The following NPHS1 variants were observed in gnomAD, a reference collection of about 807,000 sequenced individuals.
NPHS1 encodes the protein nephrin.
Under a neutral mutation model 139.7 loss-of-function variants are expected in NPHS1, and 107 were observed. The observed-to-expected ratio is 0.77, with a 90% confidence interval of 0.66 to 0.90. The LOEUF is 0.90. NPHS1 is among the 40% of genes least tolerant of loss of function. NPHS1 has a pLI of 0.00. For missense variants in NPHS1, 1,580 were observed against 1,654.2 expected (o/e 0.96, Z 0.78); for synonymous variants, 707 against 706.6 (o/e 1.00, Z -0.01).
chr19:35,838,018 G>C (rs976728158), intron 22 of NPHS1, among the ~76,000 whole-genome samples: 4 of 146,632 alleles, frequency 2.7e-5, no homozygotes, highest in African/African-American at 1.0e-4. Flanking sequence ...TTGGGAGACC[G>C]AAGCTGGTGG....
chr19:35,848,396 C>A lies in NPHS1; in HGVS notation c.1172G>T (p.Gly391Val). ...LLPMEETVMD[G>V]LHGGHISMSN... ...CATGGAGATGTGACCGCCATGCAGT[C>A]CCTGGCAGGGAGTGAGCTTCAGACG... The change falls in exon 10 of 29, where the codon GGA becomes GTA. Residue 391 changes from glycine to valine, a missense_variant and splice_region_variant. Gly to Val is a moderately radical substitution (Grantham distance 109). Coordinates refer to ENST00000378910, the MANE Select transcript of NPHS1 (RefSeq NM_004646.4). 6.2e-7 allele frequency: 1 copy of A among 1,614,128 alleles called. No individual in the cohort carries two copies. The highest frequency in any genetic ancestry group is 1.1e-5 in the South Asian group (1 of 91,064).
chr19:35,837,977 C>T (rs1020592927), intron 22 of NPHS1, among the ~76,000 whole-genome samples: 2 of 146,784 alleles, frequency 1.4e-5, no homozygotes, highest in African/African-American at 5.0e-5. Flanking sequence ...CTAGTCCAGT[C>T]GTGGTGGCTC....
chr19:35,835,984 G>C (rs1972952142), intron 22 of NPHS1, among the ~76,000 whole-genome samples: 2 of 145,832 alleles, frequency 1.4e-5, no homozygotes, highest in Non-Finnish European at 3.0e-5. Context: ...TTTTGAGACT[G>C]AACCTCTCTC....
At chr19:35,850,325 T>C (rs777471838) in intron 5 of NPHS1, 39 bp downstream of exon 5, 1 of 1,555,114 alleles carries the variant, frequency 6.4e-7, no homozygotes, top group Non-Finnish European at 8.9e-7. Flanking sequence ...ATGGGGAAAA[T>C]TAGGGGTCAA....
intron 20 of NPHS1, among the ~76,000 whole-genome samples, chr19:35,840,374 A>G (rs1362733873): frequency 7.6e-6 from 1 of 132,106 alleles, no homozygotes; most frequent in Non-Finnish European, 1.6e-5. Flanking sequence ...TCGCTGTGTC[A>G]CCCAGGCTGG....
In NPHS1 at chr19:35,849,373, A is replaced by G. The variant is rs372079888; in HGVS notation, c.713-10T>C. On this transcript the variant is annotated splice_polypyrimidine_tract_variant and intron_variant, in intron 6 of 28. Coordinates refer to ENST00000378910, the MANE Select transcript of NPHS1 (RefSeq NM_004646.4). ...GGGGGTCCTGGAGGGACTGGGGGAT[A>G]TCAGTCACTCAGTGGGCCTGGAGTA... 39 of 1,609,932 alleles carry G rather than the reference A, an allele frequency of 2.4e-5. No homozygotes were observed. In the African/African-American group the frequency reaches 4.9e-4, roughly 20 times the overall value.
At chr19:35,833,017 T>G (rs1455414141) in intron 23 of NPHS1, among the ~76,000 whole-genome samples, 1 of 150,212 alleles carries the variant, frequency 6.7e-6, no homozygotes, top group Non-Finnish European at 1.5e-5. Context: ...CCCAAGTAGC[T>G]GGGATTACAG....
rs929593762 is a variant in NPHS1 at position 35,843,772 on chromosome 19, C to G, written c.2213-179G>C. 4.1e-6 allele frequency: 3 copies of G among 736,446 alleles called. No homozygotes were observed. The Admixed American group carries it at 8.3e-5, about 20-fold the overall frequency. The allele number at this position is 736,446 out of a possible 1,614,324, so 45.6% of individuals were successfully genotyped here. A position where few individuals can be genotyped will look rare whatever the true frequency, so the allele number is the denominator to read the frequency against. The stretch of plus-strand genomic sequence containing the variant: ...TCAAGGTTGGTGAGGTTGTCTCCAC[C>G]CTCCACTATGCCTCTGTGATAATTA... On this transcript the variant is annotated intron_variant, in intron 16 of 28. Coordinates refer to ENST00000378910, the MANE Select transcript of NPHS1 (RefSeq NM_004646.4).
chr19:35,829,567 C>A (rs2146805892), intron 28 of NPHS1, among the ~76,000 whole-genome samples: 1 of 151,138 alleles, frequency 6.6e-6, no homozygotes, highest in African/African-American at 2.4e-5. Context: ...GAGACAGAGT[C>A]TTGCTCTGTT....
chr19:35,834,716 C>T (rs1011257908), intron 23 of NPHS1, among the ~76,000 whole-genome samples: 20 of 151,538 alleles, frequency 1.3e-4, no homozygotes, highest in East Asian at 1.9e-4. Context: ...GCGGTGAAAC[C>T]TCATCTCTAC....
At chr19:35,843,058 T>G (rs968889549) in intron 17 of NPHS1, among the ~76,000 whole-genome samples, 1 of 152,156 alleles carries the variant, frequency 6.6e-6, no homozygotes, top group Non-Finnish European at 1.5e-5. Context: ...CATCAATTCA[T>G]CCATCATCCT....
chr19:35,829,109 T>C (rs1205238851), intron 28 of NPHS1, among the ~76,000 whole-genome samples: 1 of 152,370 alleles, frequency 6.6e-6, no homozygotes, highest in East Asian at 1.9e-4. Context: ...CTCATTTCCC[T>C]GTGAGCTCTC....
rs552085365 is a variant in NPHS1 at position 35,838,239 on chromosome 19, C to A, written c.3109+998G>T. ...ACCCTGGGCAACAAGAACAAAACTG[C>A]GTCTCAGAACAAAAACAAACAAACA... On this transcript the variant is annotated intron_variant, in intron 22 of 28. Transcript: ENST00000378910. Among the ~76,000 whole-genome samples, 34 of 150,206 alleles carry A rather than the reference C, an allele frequency of 2.3e-4. No individual in the cohort carries two copies. In the East Asian group the frequency reaches 6.6e-3, roughly 29 times the overall value.
chr19:35,835,522 C>T (rs1320492494), intron 23 of NPHS1, among the ~76,000 whole-genome samples, 183 bp downstream of exon 23: 1 of 152,140 alleles, frequency 6.6e-6, no homozygotes, highest in East Asian at 1.9e-4. Flanking sequence ...GTCTCAAACT[C>T]CTGGGCTCAA....
At chr19:35,828,704 G>A (rs1373881969) in intron 28 of NPHS1, among the ~76,000 whole-genome samples, 1 of 152,184 alleles carries the variant, frequency 6.6e-6, no homozygotes, top group African/African-American at 2.4e-5. Context: ...TTTATGCATC[G>A]TCTATGGCTG....
At position 35,826,652 on chromosome 19, in the gene NPHS1, G is replaced by A; in HGVS notation, c.3595-7C>T. ...AGTGGAGGTCCCAGGGTCCCTGACA[G>A]GCAAAAAGTGGAGTTAGAACCATGG... On this transcript the variant is annotated splice_polypyrimidine_tract_variant and splice_region_variant and intron_variant, in intron 28 of 28. Transcript: ENST00000378910. 3.1e-6 allele frequency: 5 copies of A among 1,614,072 alleles called. No individual in the cohort carries two copies. The highest frequency in any genetic ancestry group is 4.2e-6 in the Non-Finnish European group (5 of 1,180,000).
At chr19:35,829,787 C>G (rs974598939) in intron 28 of NPHS1, among the ~76,000 whole-genome samples, 5 of 152,044 alleles carry the variant, frequency 3.3e-5, no homozygotes, top group Non-Finnish European at 5.9e-5. Flanking sequence ...AATCCACCCA[C>G]CTCAGCCTCT....
rs753656470 is a variant in NPHS1, at chr19:35,842,187, C to T, written c.2600G>A (p.Gly867Asp). Residue 867 changes from glycine (G) to aspartate (D), a missense_variant, in exon 19 of 29, where the codon GGT (glycine) becomes GAT (aspartate). Gly to Asp is a moderately conservative substitution (Grantham distance 94). Coordinates refer to ENST00000378910, the MANE Select transcript of NPHS1 (RefSeq NM_004646.4). ...CCAAGTGAAAACGATGTTGGGGACA[C>T]CTCGGGCACGGCAGTGGAGGGTGGC... ...SSATLHCRAR[G>D]VPNIVFTWTK... The T allele has an allele frequency of 8.7e-6, 14 of 1,611,798 alleles. No individual in the cohort carries two copies. The South Asian group carries it at 1.5e-4, about 18-fold the overall frequency.
Position 35,845,838 on chromosome 19 carries a change from G to C in NPHS1, c.1628-40C>G, listed in dbSNP as rs371581478. 27 of 1,600,020 alleles carry C rather than the reference G, an allele frequency of 1.7e-5. No individual in the cohort carries two copies. In the African/African-American group the frequency reaches 2.9e-4, roughly 17 times the overall value. Reference sequence around the variant, plus strand: ...TGGAGGAGCGAGACTCAGAGGTTAGGGGCGGCCTGGTCTGCGTCCACCCCG... The same window carrying C: ...TGGAGGAGCGAGACTCAGAGGTTAGCGGCGGCCTGGTCTGCGTCCACCCCG... On this transcript the variant is annotated intron_variant, in intron 12 of 28. Coordinates refer to ENST00000378910, the MANE Select transcript of NPHS1 (RefSeq NM_004646.4). The surrounding 1 kb of genome is among the most constrained non-coding windows in gnomAD (Gnocchi z 5.5).
Sources: gnomAD v4.1 joint callset for allele counts (sites outside exome capture counted in the v4.1 genomes callset) on GRCh38, gnomAD v4.1.1 for gene constraint, Gnocchi (gnomAD v3.1) non-coding constraint, MANE v1.5 for transcripts, NCBI Gene and HGNC (gene_info 2026-07-23, HGNC 2026-07-21) for gene names.